The following NREP variants were observed in gnomAD, a reference collection of about 807,000 sequenced individuals.
The protein encoded by NREP is neuronal regeneration related protein.
In NREP, 5 loss-of-function variants were observed where a neutral mutation model predicts 8.6. That is an observed-to-expected ratio of 0.58 (90% CI 0.30 to 1.22). The LOEUF (loss-of-function observed/expected upper bound fraction) is 1.22, where lower values mean the gene tolerates loss of function less well. Ranked by LOEUF, NREP falls within the 50% of genes most tolerant of loss-of-function variation. The pLI, the probability that NREP is intolerant of heterozygous loss-of-function variation, is 0.07. For synonymous variants in NREP, 27 were observed against 28.0 expected, an observed-to-expected ratio of 0.96 and a Z score of 0.11; for missense variants, 86 against 82.5, an observed-to-expected ratio of 1.04 and a Z score of -0.17.
Position 111,865,943 on chromosome 5 carries a change from A to T in NREP, c.135+109331T>A, listed in dbSNP as rs149282844. 1.1e-3 allele frequency among the ~76,000 whole-genome samples: 165 copies of T among 152,300 alleles called. 1 individual carries two copies. The highest frequency in any genetic ancestry group is 3.8e-3 in the African/African-American group (157 of 41,580). ...TAGATCATAAACTGTTCAACAATGCATAAAAACTAATGCTAAAATACACGA... is the reference window on the plus strand; with the variant it reads ...TAGATCATAAACTGTTCAACAATGCTTAAAAACTAATGCTAAAATACACGA... On this transcript the variant is annotated intron_variant, in intron 2 of 3. Transcript: ENST00000395634.
At chr5:111,763,108 A>C (rs979695233) in intron 2 of NREP, among the ~76,000 whole-genome samples, 4 of 152,228 alleles carry the variant, frequency 2.6e-5, no homozygotes, top group Non-Finnish European at 4.4e-5. Context: ...AGCTGTATTT[A>C]CACAGCTGCT....
chr5:111,896,587 C>T (rs1207902061), intron 2 of NREP, among the ~76,000 whole-genome samples: 1 of 152,160 alleles, frequency 6.6e-6, no homozygotes, highest in East Asian at 1.9e-4. Context: ...AGGCTACCAA[C>T]CATTTAAACC....
chr5:111,884,989 A>T (rs1171616126), intron 2 of NREP, among the ~76,000 whole-genome samples: 4 of 152,198 alleles, frequency 2.6e-5, no homozygotes, highest in Non-Finnish European at 5.9e-5. Flanking sequence ...ATTAGGCAGG[A>T]GAAGGAAATA....
intron 2 of NREP, among the ~76,000 whole-genome samples, chr5:111,853,626 C>CTAT (rs1354092049): frequency 2.0e-5 from 3 of 151,910 alleles, no homozygotes; most frequent in African/African-American, 7.2e-5. Context: ...AAGTTTGTTA[C>CTAT]TATTATTACT....
chr5:111,757,385 T>A, upstream of NREP: 1 of 963,472 alleles, frequency 1.0e-6, no homozygotes, highest in African/African-American at 1.8e-5. Context: ...TGCCTCGCGC[T>A]CTCTCTCCAA....
intron 2 of NREP, among the ~76,000 whole-genome samples, chr5:111,905,344 C>G (rs927885187): frequency 1.3e-5 from 2 of 152,156 alleles, no homozygotes; most frequent in African/African-American, 4.8e-5. Context: ...CGAATGAGAG[C>G]TCCTCTCACT....
intron 2 of NREP, among the ~76,000 whole-genome samples, chr5:111,811,603 C>T (rs577675264): frequency 6.6e-6 from 1 of 152,274 alleles, no homozygotes; most frequent in South Asian, 2.1e-4. Flanking sequence ...CTCATCAAGT[C>T]CAGAAGGGAG....
chr5:111,973,665 C>T (rs1394302132), intron 2 of NREP, among the ~76,000 whole-genome samples: 1 of 152,168 alleles, frequency 6.6e-6, no homozygotes, highest in Non-Finnish European at 1.5e-5. Flanking sequence ...ATCATCATTC[C>T]AGCTCAAGCT....
intron 2 of NREP, among the ~76,000 whole-genome samples, chr5:111,911,073 T>A (rs773020269): frequency 1.1e-4 from 17 of 152,042 alleles, no homozygotes; most frequent in Non-Finnish European, 1.8e-4. Context: ...TATCACCCTG[T>A]ACCCAGTGAT....
chr5:111,829,680 C>T (rs989120932), intron 2 of NREP, among the ~76,000 whole-genome samples: 1 of 152,188 alleles, frequency 6.6e-6, no homozygotes, highest in African/African-American at 2.4e-5. Context: ...TGGTATCTGA[C>T]TCTCAGTCTA....
At chr5:111,971,887 C>T (rs144199601) in intron 2 of NREP, among the ~76,000 whole-genome samples, 1,836 of 148,086 alleles carry the variant, frequency 0.012, 37 homozygotes, top group African/African-American at 0.043. Flanking sequence ...CAAAAATAGA[C>T]AAAAAAGGAG....
chr5:111,863,145 T>C (rs897657672), intron 2 of NREP, among the ~76,000 whole-genome samples: 1 of 151,790 alleles, frequency 6.6e-6, no homozygotes, highest in African/African-American at 2.4e-5. Flanking sequence ...AGGTAAAAAA[T>C]GGTGGTGGTT....
intron 2 of NREP, among the ~76,000 whole-genome samples, chr5:111,831,614 G>A (rs1252555823): frequency 6.6e-6 from 1 of 152,148 alleles, no homozygotes; most frequent in Non-Finnish European, 1.5e-5. Context: ...ACCCACTTGT[G>A]CAAGACAGTT....
chr5:111,785,169 T>A (rs1187833228), intron 2 of NREP, among the ~76,000 whole-genome samples: 1 of 152,220 alleles, frequency 6.6e-6, no homozygotes, highest in African/African-American at 2.4e-5. Context: ...TCCTTTAGCA[T>A]AGATTCTTTG....
intron 2 of NREP, among the ~76,000 whole-genome samples, chr5:111,960,689 G>C (rs184605392): frequency 1.5e-4 from 23 of 152,272 alleles, no homozygotes; most frequent in Non-Finnish European, 3.1e-4. Flanking sequence ...AATAGAAATG[G>C]AACAAGCTTG....
At chr5:111,757,895 CCGCCAGGGCCGTGGGGAGAGGCGGCG>C (rs1242593089), upstream of NREP, 52 of 984,968 alleles carry the variant, frequency 5.3e-5, no homozygotes, top group East Asian at 3.4e-4. Flanking sequence ...GCCCGGCGGC[CCGCCAGGGCCGTGGGGAGAGGCGGCG>C]CGGCCCGTAC....
chr5:111,868,123 A>G (rs972375482), intron 2 of NREP, among the ~76,000 whole-genome samples: 2 of 152,128 alleles, frequency 1.3e-5, no homozygotes, highest in Non-Finnish European at 2.9e-5. Context: ...CTCAAAGACA[A>G]ACATCGCGTC....
In NREP at chr5:111,922,292, C is replaced by T. The variant is rs188913645; in HGVS notation, c.135+52982G>A. ...GGAAATGATATTGTATGCCTAGTGC[C>T]TTTGAGATCCCCTGAGTGACAGCTG... On this transcript the variant is annotated intron_variant, in intron 2 of 3. Transcript: ENST00000395634. 2.6e-5 allele frequency among the ~76,000 whole-genome samples: 4 copies of T among 152,106 alleles called. No individual in the cohort carries two copies. In the East Asian group the frequency reaches 7.8e-4, roughly 30 times the overall value.
intron 2 of NREP, among the ~76,000 whole-genome samples, chr5:111,910,742 T>C (rs1336893877): frequency 6.6e-6 from 1 of 152,014 alleles, no homozygotes; most frequent in Non-Finnish European, 1.5e-5. Flanking sequence ...CCACCAAGTT[T>C]ACCTCCAAAA....
Sources: gnomAD v4.1 joint callset for allele counts (sites outside exome capture counted in the v4.1 genomes callset) on GRCh38, gnomAD v4.1.1 for gene constraint, MANE v1.5 for transcripts, NCBI Gene and HGNC (gene_info 2026-07-23, HGNC 2026-07-21) for gene names.